ZNF892: variants seen among roughly 807,000 people sequenced by gnomAD.
ZNF892 encodes the protein zinc finger protein 892.
the ZNF892 span, among the ~76,000 whole-genome samples, chr2:95,222,548 T>G: frequency 6.6e-6 from 1 of 152,230 alleles, no homozygotes; most frequent in Non-Finnish European, 1.5e-5. Flanking sequence ...TATCTCAATG[T>G]GGCTTCAATT....
the ZNF892 span, among the ~76,000 whole-genome samples, chr2:95,229,528 C>A: frequency 1.3e-5 from 2 of 152,114 alleles, no homozygotes; most frequent in African/African-American, 2.4e-5. Context: ...CTAGTTTTAT[C>A]TGTTTGAACA....
At chr2:95,220,734 A>G in the ZNF892 span, among the ~76,000 whole-genome samples, 8 of 152,332 alleles carry the variant, frequency 5.3e-5, no homozygotes, top group East Asian at 1.5e-3. Flanking sequence ...CCAATTTGAT[A>G]GGTAGAAACT....
chr2:95,210,353 A>G, the ZNF892 span, among the ~76,000 whole-genome samples: 1 of 151,912 alleles, frequency 6.6e-6, no homozygotes, highest in African/African-American at 2.4e-5. Flanking sequence ...GGGATGGTTT[A>G]TTTTACTCTA....
At chr2:95,246,624 CA>C in the ZNF892 span, among the ~76,000 whole-genome samples, 1 of 152,124 alleles carries the variant, frequency 6.6e-6, no homozygotes, top group Non-Finnish European at 1.5e-5. Context: ...CATCTTGGCC[CA>C]AAAGTTTCTT....
the ZNF892 span, among the ~76,000 whole-genome samples, chr2:95,227,114 C>G: frequency 7.5e-6 from 1 of 134,172 alleles, no homozygotes; most frequent in Non-Finnish European, 1.6e-5. Context: ...CCTCCCCTCC[C>G]TCCCTCCCTC....
the ZNF892 span, among the ~76,000 whole-genome samples, chr2:95,260,005 T>C: frequency 6.6e-6 from 1 of 152,230 alleles, no homozygotes; most frequent in South Asian, 2.1e-4. Flanking sequence ...GTCAGAGCTT[T>C]GGTTAGGTGA....
At chr2:95,225,125 A>G in the ZNF892 span, among the ~76,000 whole-genome samples, 11 of 152,244 alleles carry the variant, frequency 7.2e-5, no homozygotes, top group Admixed American at 6.5e-4. Flanking sequence ...TTCACTTACC[A>G]TAATGTTTTC....
the ZNF892 span, among the ~76,000 whole-genome samples, chr2:95,227,160 T>TC: frequency 7.4e-6 from 1 of 134,404 alleles, no homozygotes; most frequent in African/African-American, 2.7e-5. Context: ...CTTCCTTCCT[T>TC]CTTTCCTTCT....
the ZNF892 span, among the ~76,000 whole-genome samples, chr2:95,222,820 T>G: frequency 6.6e-6 from 1 of 152,346 alleles, no homozygotes; most frequent in African/African-American, 2.4e-5. Flanking sequence ...TGGTGTCATA[T>G]TTAAGAACCC....
At chr2:95,211,030 G>A in the ZNF892 span, among the ~76,000 whole-genome samples, 5 of 152,034 alleles carry the variant, frequency 3.3e-5, no homozygotes, top group Non-Finnish European at 5.9e-5. Context: ...TGGGGGACGC[G>A]GGCAGATTGA....
chr2:95,240,082 G>A, the ZNF892 span, among the ~76,000 whole-genome samples: 1 of 152,004 alleles, frequency 6.6e-6, no homozygotes, highest in Non-Finnish European at 1.5e-5. Flanking sequence ...GATCTTCCAG[G>A]GGTTCTCTGG....
the ZNF892 span, among the ~76,000 whole-genome samples, chr2:95,256,631 TG>T: frequency 1.1e-4 from 17 of 152,248 alleles, no homozygotes; most frequent in Non-Finnish European, 2.2e-4. Flanking sequence ...CTTGCTAGAC[TG>T]GGGAAGTTCT....
chr2:95,255,907 C>T, the ZNF892 span, among the ~76,000 whole-genome samples: 1 of 152,126 alleles, frequency 6.6e-6, no homozygotes, highest in Non-Finnish European at 1.5e-5. Flanking sequence ...GCAACCCCTG[C>T]CTTTTTTTGT....
chr2:95,212,088 A>G, the ZNF892 span: 1 of 397,050 alleles, frequency 2.5e-6, no homozygotes, highest in Admixed American at 4.4e-5. Context: ...TTGAGGAAGA[A>G]ATGGAGAACT....
the ZNF892 span, among the ~76,000 whole-genome samples, chr2:95,251,770 T>C: frequency 6.6e-6 from 1 of 152,206 alleles, no homozygotes; most frequent in Non-Finnish European, 1.5e-5. Context: ...GCAAAACTCT[T>C]AGGACATGAA....
At chr2:95,247,857 G>A in the ZNF892 span, among the ~76,000 whole-genome samples, 4 of 152,148 alleles carry the variant, frequency 2.6e-5, no homozygotes, top group Non-Finnish European at 4.4e-5. Flanking sequence ...GGAAGGCTAT[G>A]TAGAAAAGGG....
At chr2:95,224,711 A>G in the ZNF892 span, among the ~76,000 whole-genome samples, 2 of 152,218 alleles carry the variant, frequency 1.3e-5, no homozygotes, top group Admixed American at 6.5e-5. Context: ...GACCCAAACC[A>G]TATCAGAATG....
the ZNF892 span, among the ~76,000 whole-genome samples, chr2:95,207,335 G>A: frequency 0.011 from 1,719 of 152,336 alleles, 35 homozygotes; most frequent in African/African-American, 0.04. Flanking sequence ...CGGCACCGAG[G>A]GAGGAGCGGC....
At chr2:95,236,753 TAAC>T in the ZNF892 span, among the ~76,000 whole-genome samples, 13 of 152,122 alleles carry the variant, frequency 8.5e-5, no homozygotes, top group Admixed American at 5.9e-4. Flanking sequence ...AAACAAAAAA[TAAC>T]AACCTTCTAG....
Sources: gnomAD v4.1 joint callset for allele counts (sites outside exome capture counted in the v4.1 genomes callset) on GRCh38, gnomAD v4.1.1 for gene constraint, MANE v1.5 for transcripts, NCBI Gene and HGNC (gene_info 2026-07-23, HGNC 2026-07-21) for gene names.